The following SENP7 variants were observed in gnomAD, a reference collection of about 807,000 sequenced individuals.
SENP7 encodes the protein SUMO specific peptidase 7, also known as sentrin-specific protease 7.
Under a neutral mutation model 141.2 loss-of-function variants are expected in SENP7, and 64 were observed. The observed-to-expected ratio is 0.45, with a 90% CI of 0.37 to 0.56. The LOEUF is 0.56. Ranked by LOEUF, SENP7 falls within the 20% of genes least tolerant of loss-of-function variation. The pLI, the probability that SENP7 is intolerant of heterozygous loss-of-function variation, is 0.00. For synonymous variants in SENP7, 382 were observed against 426.4 expected, an observed-to-expected ratio of 0.90 and a Z score of 1.28; for missense variants, 1,025 against 1,212.2, an observed-to-expected ratio of 0.85 and a Z score of 2.29.
chr3:101,377,801 G>A (rs1010707896), intron 6 of SENP7, among the ~76,000 whole-genome samples: 1 of 152,194 alleles, frequency 6.6e-6, no homozygotes, highest in Non-Finnish European at 1.5e-5. Flanking sequence ...CCATGTGGGA[G>A]AAGGGAAATA....
intron 8 of SENP7, among the ~76,000 whole-genome samples, chr3:101,367,224 C>A (rs2107396654): frequency 6.6e-6 from 1 of 152,200 alleles, no homozygotes; most frequent in South Asian, 2.1e-4. Context: ...CTATATAAAT[C>A]TGAATCATGT....
rs2107319601 is a variant in SENP7 at position 101,357,930 on chromosome 3, G to A, written c.1623+3785C>T. 6 of 635,878 alleles carry A rather than the reference G, an allele frequency of 9.4e-6. No individual in the cohort carries two copies. In the South Asian group the frequency reaches 9.8e-5, roughly 10 times the overall value. The allele number at this position is 635,878 out of a possible 1,614,324, so 39.4% of individuals were successfully genotyped here. On this transcript the variant is annotated intron_variant, in intron 11 of 23. Transcript: ENST00000394095. Reference sequence around the variant, plus strand: ...ATTCACACTGGAGAGAAACCCTACAGATGTAGAGAACGTGGCAAAGCTTTT... The same window carrying A: ...ATTCACACTGGAGAGAAACCCTACAAATGTAGAGAACGTGGCAAAGCTTTT...
chr3:101,371,051 A>C (rs2107429229), intron 7 of SENP7, among the ~76,000 whole-genome samples: 1 of 152,336 alleles, frequency 6.6e-6, no homozygotes, highest in African/African-American at 2.4e-5. Flanking sequence ...GCATTTTGGG[A>C]AGCCGAGGCA....
chr3:101,497,735 G>GCAA (rs1159784657), intron 2 of SENP7, among the ~76,000 whole-genome samples: 39 of 152,302 alleles, frequency 2.6e-4, no homozygotes, highest in Non-Finnish European at 5.0e-4. Flanking sequence ...AGCTGAAGCA[G>GCAA]GAGGATCTCT....
Position 101,325,557 on chromosome 3 carries a change from T to C in SENP7, c.*386A>G, listed in dbSNP as rs117088755. On this transcript the variant is annotated 3_prime_UTR_variant, in exon 24 of 24. Transcript: ENST00000394095. Reference sequence around the variant, plus strand: ...ACCTGTCAGCAAATTTGACAAGCACTGGGGCTGGCACCAGGGAGGCTTTAA... The same window carrying C: ...ACCTGTCAGCAAATTTGACAAGCACCGGGGCTGGCACCAGGGAGGCTTTAA... The C allele has an allele frequency of 3.4e-4, 52 of 153,402 alleles. 1 individual carries two copies. In the East Asian group the frequency reaches 9.8e-3, roughly 29 times the overall value. 9.5% of individuals were successfully genotyped at this position (153,402 alleles called of 1,614,324 possible).
chr3:101,404,102 A>C (rs2061231398), intron 5 of SENP7, among the ~76,000 whole-genome samples: 1 of 152,182 alleles, frequency 6.6e-6, no homozygotes, highest in Middle Eastern at 3.2e-3. Flanking sequence ...AAAGAACCCC[A>C]TATAACCAAG....
At chr3:101,505,342 T>C (rs1002269420) in intron 1 of SENP7, among the ~76,000 whole-genome samples, 7 of 152,220 alleles carry the variant, frequency 4.6e-5, no homozygotes, top group Non-Finnish European at 1.0e-4. Context: ...CTTAAATTTA[T>C]ACAAATAAAA....
intron 2 of SENP7, 134 bp from the exon 3 acceptor site, chr3:101,494,102 T>C (rs951186809): frequency 3.9e-5 from 17 of 441,470 alleles, no homozygotes; most frequent in Admixed American, 3.3e-4. Flanking sequence ...CAGTGCTTAA[T>C]TTATATACAA....
At chr3:101,353,300 A>G (rs760691228) in intron 11 of SENP7, among the ~76,000 whole-genome samples, 7 of 151,986 alleles carry the variant, frequency 4.6e-5, no homozygotes, top group Non-Finnish European at 8.8e-5. Flanking sequence ...TTGCACAGCC[A>G]TAACTTCCAA....
intron 4 of SENP7, among the ~76,000 whole-genome samples, chr3:101,436,597 C>T (rs1164615610): frequency 6.7e-6 from 1 of 150,026 alleles, no homozygotes; most frequent in East Asian, 2.0e-4. Context: ...ATAATGTGAG[C>T]AAAAAAATAG....
chr3:101,441,742 A>C (rs1215730479), intron 4 of SENP7, among the ~76,000 whole-genome samples: 2 of 152,150 alleles, frequency 1.3e-5, no homozygotes, highest in Non-Finnish European at 2.9e-5. Flanking sequence ...GAACTGGCAC[A>C]AATGGCTCAT....
At chr3:101,362,348 T>C (rs1349845428) in intron 10 of SENP7, among the ~76,000 whole-genome samples, 3 of 152,202 alleles carry the variant, frequency 2.0e-5, no homozygotes, top group Admixed American at 6.6e-5. Flanking sequence ...CCTAAAATCA[T>C]GCGATTAGTA....
chr3:101,350,159 C>T (rs576096039), intron 12 of SENP7, among the ~76,000 whole-genome samples: 15 of 152,110 alleles, frequency 9.9e-5, no homozygotes, highest in African/African-American at 1.7e-4. Flanking sequence ...GCAAGTCATA[C>T]GTCAGGAATG....
intron 3 of SENP7, among the ~76,000 whole-genome samples, chr3:101,473,558 C>T (rs1344429357): frequency 6.6e-6 from 1 of 152,104 alleles, no homozygotes; most frequent in East Asian, 1.9e-4. Context: ...TGTTCATGCC[C>T]CCCTTGGCCC....
At position 101,372,075 on chromosome 3, in the gene SENP7, C is replaced by T. The variant is rs376716573; in HGVS notation, c.729G>A (p.Ala243=). The change falls in exon 7 of 24, where the codon GCG becomes GCA. Residue 243 remains alanine, a synonymous_variant. Transcript: ENST00000394095. The part of the protein sequence containing the change: ...TVDDNSAKQT[A]HNKEKRRKDD... The stretch of plus-strand genomic sequence containing the variant: ...CCTTTCTTCGTTTTTCTTTATTGTG[C>T]GCAGTCTGCTTTGCAGAATTGTCAT... The T allele has an allele frequency of 3.1e-5, 48 of 1,568,308 alleles. No individual in the cohort carries two copies. In the East Asian group the frequency reaches 4.9e-4, roughly 16 times the overall value.
At position 101,503,108 on chromosome 3, in the gene SENP7, G is replaced by A. The variant is rs551823587; in HGVS notation, c.41-1989C>T. Among the ~76,000 whole-genome samples, 3 of 152,066 alleles carry A rather than the reference G, an allele frequency of 2.0e-5. No homozygotes were observed. The South Asian group carries it at 6.2e-4, about 31-fold the overall frequency. ...TTCAAAATGGACAAAAGTCTGAATA[G>A]GCACTTCACAAAAAAAGAATATCCA... On this transcript the variant is annotated intron_variant, in intron 1 of 23. Coordinates refer to ENST00000394095, the MANE Select transcript of SENP7 (RefSeq NM_020654.5).
At chr3:101,354,809 G>A (rs1482729696) in intron 11 of SENP7, among the ~76,000 whole-genome samples, 2 of 152,010 alleles carry the variant, frequency 1.3e-5, no homozygotes, top group Non-Finnish European at 2.9e-5. Flanking sequence ...TTGAGGGATC[G>A]CCACATTACT....
At chr3:101,378,678 G>C (rs928054783) in intron 6 of SENP7, among the ~76,000 whole-genome samples, 1 of 152,072 alleles carries the variant, frequency 6.6e-6, no homozygotes, top group African/African-American at 2.4e-5. Flanking sequence ...ATTAATGTCA[G>C]ACACCAAATC....
intron 4 of SENP7, among the ~76,000 whole-genome samples, chr3:101,423,820 G>T (rs1042263642): frequency 1.3e-5 from 2 of 152,050 alleles, no homozygotes; most frequent in African/African-American, 4.8e-5. Flanking sequence ...AACTGGCAAG[G>T]GGCAATCCAC....
Sources: allele counts gnomAD v4.1 joint callset (sites outside exome capture counted in the v4.1 genomes callset), GRCh38; gene constraint gnomAD v4.1.1; transcripts MANE v1.5; gene names NCBI Gene and HGNC (gene_info 2026-07-23, HGNC 2026-07-21).